Variants in MEGF10 observed in about 807,000 individuals in gnomAD.
The protein encoded by MEGF10 is multiple epidermal growth factor-like domains protein 10.
Under a neutral mutation model 147.5 loss-of-function variants are expected in MEGF10, and 86 were observed. The observed-to-expected ratio is 0.58, with a 90% CI of 0.49 to 0.70. The LOEUF is 0.70. Among genes scored for constraint, MEGF10 ranks in the 30% least tolerant of loss-of-function variants. The probability of loss-of-function intolerance (pLI) is 0.00; values close to 1 mark genes in which losing one functional copy is unlikely to be tolerated. For missense variants in MEGF10, 1,329 were observed against 1,487.3 expected, an observed-to-expected ratio of 0.89 and a Z score of 1.75; for synonymous variants, 478 against 525.5, an observed-to-expected ratio of 0.91 and a Z score of 1.24.
chr5:127,393,457 A>C (rs1309082656), intron 5 of MEGF10, among the ~76,000 whole-genome samples: 6 of 152,248 alleles, frequency 3.9e-5, no homozygotes, highest in African/African-American at 1.4e-4. Context: ...AAATATGACA[A>C]ATGAAGAAAG....
At chr5:127,293,318 G>T (rs1247437933) in intron 1 of MEGF10, among the ~76,000 whole-genome samples, 1 of 152,184 alleles carries the variant, frequency 6.6e-6, no homozygotes, top group Non-Finnish European at 1.5e-5. Context: ...AGGGAAAAGC[G>T]TTTATCTCTG....
At chr5:127,394,069 C>A (rs1043737281) in intron 5 of MEGF10, among the ~76,000 whole-genome samples, 1 of 152,070 alleles carries the variant, frequency 6.6e-6, no homozygotes, top group East Asian at 1.9e-4. Flanking sequence ...AATAACCCAC[C>A]GTGATTTTTA....
intron 1 of MEGF10, among the ~76,000 whole-genome samples, chr5:127,302,185 C>G (rs182301066): frequency 7.2e-5 from 11 of 152,280 alleles, no homozygotes; most frequent in Admixed American, 6.5e-4. Flanking sequence ...TTATTTACAA[C>G]AGCCAAAACT....
intron 1 of MEGF10, among the ~76,000 whole-genome samples, chr5:127,299,526 G>T (rs1284877970): frequency 1.3e-5 from 2 of 152,152 alleles, no homozygotes; most frequent in Non-Finnish European, 2.9e-5. Flanking sequence ...CCCAACAATT[G>T]CTTACATTCT....
chr5:127,254,653 A>C, the MEGF10 span, among the ~76,000 whole-genome samples: 1,414 of 151,984 alleles, frequency 9.3e-3, 19 homozygotes, highest in African/African-American at 0.031. Flanking sequence ...TCTACTAAAA[A>C]TACAAAAATT....
At chr5:127,407,124 A>G (rs1028694926) in intron 8 of MEGF10, among the ~76,000 whole-genome samples, 2 of 152,202 alleles carry the variant, frequency 1.3e-5, no homozygotes, top group African/African-American at 4.8e-5. Context: ...TTGGTCGTCA[A>G]TGGAGGAGCT....
intron 1 of MEGF10, among the ~76,000 whole-genome samples, chr5:127,316,845 G>A (rs1387826766): frequency 1.3e-5 from 2 of 152,116 alleles, no homozygotes; most frequent in Non-Finnish European, 2.9e-5. Context: ...GATGTTTCAG[G>A]GTGTTACAGG....
At chr5:127,248,941 G>T in the MEGF10 span, among the ~76,000 whole-genome samples, 1 of 151,520 alleles carries the variant, frequency 6.6e-6, no homozygotes, top group Admixed American at 6.6e-5. Context: ...GAAACTATTT[G>T]TCCACAATAG....
rs80221173 is a variant in MEGF10, at chr5:127,307,865, A to G, written c.-19+16809A>G. 8.7e-3 allele frequency among the ~76,000 whole-genome samples: 1,328 copies of G among 152,336 alleles called. 23 individuals carry two copies. Among genetic ancestry groups the G allele is most frequent in the African/African-American group, 0.03 (1,231 of 41,576 alleles). ...CCCTGATGGCACAGAGCTTCGGTTC[A>G]GGAGTGTGGTGTGTAAACCCCGGTC... On this transcript the variant is annotated intron_variant, in intron 1 of 24. Coordinates refer to ENST00000503335, the MANE Select transcript of MEGF10 (RefSeq NM_001256545.2).
chr5:127,269,740 G>T, the MEGF10 span, among the ~76,000 whole-genome samples: 1 of 151,710 alleles, frequency 6.6e-6, no homozygotes, highest in African/African-American at 2.4e-5. Context: ...TACAGAAAAC[G>T]CCACACTCCT....
At chr5:127,442,703 G>C (rs1765799621) in intron 18 of MEGF10, among the ~76,000 whole-genome samples, 1 of 152,138 alleles carries the variant, frequency 6.6e-6, no homozygotes, top group Non-Finnish European at 1.5e-5. Flanking sequence ...TCTGTTCCAT[G>C]GGAATTCCAC....
chr5:127,440,108 T>C (rs891302725), intron 17 of MEGF10, among the ~76,000 whole-genome samples: 1 of 152,150 alleles, frequency 6.6e-6, no homozygotes, highest in Admixed American at 6.5e-5. Flanking sequence ...CCAACAGAAT[T>C]TGTGGGTGTC....
rs951631521 is a variant in MEGF10, at chr5:127,447,174, A to G, written c.2729-383A>G. ...AGTCCGGACATTTGTTCAGTTATTT[A>G]TTTATTTGTTTTTTTATTTAGAGAT... On this transcript the variant is annotated intron_variant, in intron 20 of 24. Coordinates refer to ENST00000503335, the MANE Select transcript of MEGF10 (RefSeq NM_001256545.2). Among the ~76,000 whole-genome samples the G allele has an allele frequency of 3.3e-5, 5 of 151,758 alleles. No individual in the cohort carries two copies. The South Asian group carries it at 1.0e-3, about 32-fold the overall frequency.
chr5:127,313,807 C>G (rs770762528), intron 1 of MEGF10, among the ~76,000 whole-genome samples: 3 of 152,196 alleles, frequency 2.0e-5, no homozygotes, highest in Non-Finnish European at 4.4e-5. Flanking sequence ...GACTTGTGGT[C>G]AGGCAGACAC....
At chr5:127,429,609 G>A (rs1166521930) in intron 13 of MEGF10, among the ~76,000 whole-genome samples, 1 of 152,156 alleles carries the variant, frequency 6.6e-6, no homozygotes, top group Non-Finnish European at 1.5e-5. Context: ...AATTACCTTT[G>A]GTGGAGAATT....
At chr5:127,443,610 C>T (rs1200256385) in intron 19 of MEGF10, among the ~76,000 whole-genome samples, 1 of 152,124 alleles carries the variant, frequency 6.6e-6, no homozygotes, top group African/African-American at 2.4e-5. Flanking sequence ...CCCTTAAGCC[C>T]CAGGTAATCA....
chr5:127,369,772 A>G (rs969015469), intron 4 of MEGF10, 138 bp from the exon 5 acceptor site: 36 of 595,826 alleles, frequency 6.0e-5, no homozygotes, highest in Non-Finnish European at 1.1e-4. Context: ...AAGAGGGCTG[A>G]GGAACGGACT....
Position 127,417,826 on chromosome 5 carries a change from G to T in MEGF10, c.1305+14G>T, listed in dbSNP as rs1360107767. The T allele has an allele frequency of 6.2e-7, 1 of 1,612,216 alleles. No individual in the cohort carries two copies. Among genetic ancestry groups the T allele is most frequent in the Admixed American group, 1.7e-5 (1 of 59,626 alleles). ...CCAGGATTCAAAGTGAGTGACTAGG[G>T]CTCTGGAGGAAGGAGAAGAGGGGTG... On this transcript the variant is annotated intron_variant, in intron 10 of 24. Transcript: ENST00000503335.
chr5:127,409,026 A>G (rs1764445848), intron 8 of MEGF10, among the ~76,000 whole-genome samples: 1 of 152,144 alleles, frequency 6.6e-6, no homozygotes, highest in Non-Finnish European at 1.5e-5. Context: ...ACAGTGAGCT[A>G]TGATGGCACC....
Sources: allele counts gnomAD v4.1 joint callset (sites outside exome capture counted in the v4.1 genomes callset), GRCh38; gene constraint gnomAD v4.1.1; transcripts MANE v1.5; gene names NCBI Gene and HGNC (gene_info 2026-07-23, HGNC 2026-07-21).